CNTN5: variants seen among roughly 807,000 people sequenced by gnomAD.
CNTN5 encodes contactin-5.
CNTN5 carries 77 observed loss-of-function variants against 129.1 expected under a neutral mutation model. That is an observed-to-expected ratio of 0.60 (90% CI 0.50 to 0.72). CNTN5 has a LOEUF of 0.72. Ranked by LOEUF, CNTN5 falls within the 30% of genes least tolerant of loss-of-function variation. The pLI, the probability that CNTN5 is intolerant of heterozygous loss-of-function variation, is 0.00. For synonymous variants in CNTN5, 509 were observed against 465.6 expected, an observed-to-expected ratio of 1.09 and a Z score of -1.20; for missense variants, 1,478 against 1,328.8, an observed-to-expected ratio of 1.11 and a Z score of -1.75.
chr11:99,437,482 C>T (rs1421669779), intron 2 of CNTN5, among the ~76,000 whole-genome samples: 1 of 152,092 alleles, frequency 6.6e-6, no homozygotes, highest in African/African-American at 2.4e-5. Context: ...AACAATATTT[C>T]CCGTTGTATA....
intron 3 of CNTN5, among the ~76,000 whole-genome samples, chr11:99,773,770 A>G (rs1004432968): frequency 1.3e-5 from 2 of 152,030 alleles, no homozygotes; most frequent in East Asian, 1.9e-4. Flanking sequence ...TCCTTAACTG[A>G]TGACCCTGAG....
rs558386260 is a variant in CNTN5, at chr11:99,114,462, C to A, written c.-210+93192C>A. On this transcript the variant is annotated intron_variant, in intron 1 of 24. Coordinates refer to ENST00000524871, the MANE Select transcript of CNTN5 (RefSeq NM_014361.4). ...CCCCATCCCATCCCCCTTCTTCTTT[C>A]CTTCCTCCTTCTCCTTTTCTTCTTC... Among the ~76,000 whole-genome samples the A allele has an allele frequency of 2.0e-3, 292 of 144,410 alleles. 1 individual carries two copies. The highest frequency in any genetic ancestry group is 6.8e-3 in the African/African-American group (266 of 39,246). 94.7% of individuals were successfully genotyped at this position (144,410 alleles called of 152,430 possible).
chr11:99,965,996 G>T (rs1951083732), intron 8 of CNTN5, among the ~76,000 whole-genome samples: 2 of 152,162 alleles, frequency 1.3e-5, no homozygotes, highest in African/African-American at 4.8e-5. Flanking sequence ...TGAAATTCCT[G>T]CTGGGTTTTA....
intron 4 of CNTN5, among the ~76,000 whole-genome samples, chr11:99,828,717 A>T (rs901404196): frequency 6.6e-6 from 1 of 152,172 alleles, no homozygotes; most frequent in African/African-American, 2.4e-5. Context: ...AACTGAAAGA[A>T]CCTTTCATAT....
intron 2 of CNTN5, among the ~76,000 whole-genome samples, chr11:99,364,147 A>T (rs1019399499): frequency 5.9e-5 from 9 of 152,028 alleles, no homozygotes; most frequent in Admixed American, 3.9e-4. Context: ...AAAGAGAAAA[A>T]GGTTTTTTAT....
rs548549552 is a variant in CNTN5 at position 99,748,492 on chromosome 11, C to G, written c.56-71052C>G. On this transcript the variant is annotated intron_variant, in intron 3 of 24. Transcript: ENST00000524871. Reference sequence around the variant, plus strand: ...GAATTAACTCATGGAATTCTGGAGTCCAGAAAGTTCTACAATATGCTCTGT... The same window carrying G: ...GAATTAACTCATGGAATTCTGGAGTGCAGAAAGTTCTACAATATGCTCTGT... Among the ~76,000 whole-genome samples the G allele has an allele frequency of 2.9e-4, 44 of 152,072 alleles. 1 individual carries two copies. Among genetic ancestry groups the G allele is most frequent in the Non-Finnish European group, 2.8e-4 (19 of 67,992 alleles).
intron 6 of CNTN5, among the ~76,000 whole-genome samples, chr11:99,915,062 G>T (rs1949753074): frequency 6.6e-6 from 1 of 151,910 alleles, no homozygotes; most frequent in Non-Finnish European, 1.5e-5. Flanking sequence ...TTTACAATTT[G>T]TGCCTAATGG....
chr11:99,568,072 G>A (rs1949064444), intron 3 of CNTN5, among the ~76,000 whole-genome samples: 1 of 152,120 alleles, frequency 6.6e-6, no homozygotes, highest in East Asian at 1.9e-4. Flanking sequence ...TAACTTATTA[G>A]GTCAGCTAAA....
intron 8 of CNTN5, among the ~76,000 whole-genome samples, chr11:99,978,403 C>A (rs1938127715): frequency 6.6e-6 from 1 of 152,136 alleles, no homozygotes; most frequent in Non-Finnish European, 1.5e-5. Flanking sequence ...CAGTAATGTA[C>A]AGTAGTGTCC....
chr11:99,583,292 G>A lies in CNTN5; in HGVS notation c.55+27023G>A, dbSNP rs562454859. 1.3e-4 allele frequency among the ~76,000 whole-genome samples: 20 copies of A among 152,344 alleles called. No individual in the cohort carries two copies. The East Asian group carries it at 3.5e-3, about 26-fold the overall frequency. ...GGTCAGGGACCCACTTGAGGAGGCTGTCTGCCCATTCTCAGATCTCAAGCT... is the reference window on the plus strand; with the variant it reads ...GGTCAGGGACCCACTTGAGGAGGCTATCTGCCCATTCTCAGATCTCAAGCT... On this transcript the variant is annotated intron_variant, in intron 3 of 24. Transcript: ENST00000524871.
intron 1 of CNTN5, among the ~76,000 whole-genome samples, chr11:99,157,892 T>G (rs1860412374): frequency 6.6e-6 from 1 of 152,176 alleles, no homozygotes; most frequent in Non-Finnish European, 1.5e-5. Context: ...GAGTGGCATA[T>G]GCTGAAACTG....
intron 13 of CNTN5, among the ~76,000 whole-genome samples, chr11:100,186,706 C>T (rs1393481783): frequency 2.0e-5 from 3 of 152,108 alleles, no homozygotes; most frequent in African/African-American, 7.2e-5. Context: ...CCTCACTGCT[C>T]CCTTCACTCC....
At chr11:99,927,084 T>C (rs1385370922) in intron 7 of CNTN5, among the ~76,000 whole-genome samples, 1 of 152,212 alleles carries the variant, frequency 6.6e-6, no homozygotes, top group African/African-American at 2.4e-5. Context: ...AGCTTGTAAT[T>C]AGGGTTACTT....
At chr11:99,412,528 T>C (rs925291908) in intron 2 of CNTN5, among the ~76,000 whole-genome samples, 4 of 152,200 alleles carry the variant, frequency 2.6e-5, no homozygotes, top group South Asian at 2.1e-4. Flanking sequence ...ATCGTCATCA[T>C]TGGACATGTT....
intron 1 of CNTN5, among the ~76,000 whole-genome samples, chr11:99,086,579 A>T (rs1335633015): frequency 6.6e-6 from 1 of 152,198 alleles, no homozygotes; most frequent in Non-Finnish European, 1.5e-5. Context: ...AGCATGATTC[A>T]CTGGGCAGGG....
intron 13 of CNTN5, among the ~76,000 whole-genome samples, chr11:100,134,430 G>A (rs529370534): frequency 7.6e-4 from 115 of 152,252 alleles, no homozygotes; most frequent in African/African-American, 2.7e-3. Context: ...TATGACACGG[G>A]TGGTAGGAAT....
At chr11:99,250,726 T>A (rs1032800331) in intron 1 of CNTN5, among the ~76,000 whole-genome samples, 1 of 151,894 alleles carries the variant, frequency 6.6e-6, no homozygotes, top group Non-Finnish European at 1.5e-5. Flanking sequence ...TGGCAAGTAC[T>A]ATCATGTGGT....
chr11:99,158,210 G>A (rs563572056), intron 1 of CNTN5, among the ~76,000 whole-genome samples: 2 of 152,144 alleles, frequency 1.3e-5, no homozygotes, highest in African/African-American at 2.4e-5. Context: ...GTTCAAAACC[G>A]AGCTCTTGAC....
At chr11:100,219,373 G>C (rs1949214488) in intron 15 of CNTN5, among the ~76,000 whole-genome samples, 1 of 152,202 alleles carries the variant, frequency 6.6e-6, no homozygotes, top group Non-Finnish European at 1.5e-5. Flanking sequence ...TTTGCCATCA[G>C]ATTGAATGGA....
Sources: allele counts gnomAD v4.1 joint callset (sites outside exome capture counted in the v4.1 genomes callset), GRCh38; gene constraint gnomAD v4.1.1; transcripts MANE v1.5; gene names NCBI Gene and HGNC (gene_info 2026-07-23, HGNC 2026-07-21).